The following ADGRA3 variants were observed in gnomAD, a reference collection of about 807,000 sequenced individuals.
The protein encoded by ADGRA3 is adhesion G protein-coupled receptor A3.
A neutral mutation model predicts 119.8 loss-of-function variants in ADGRA3; 56 were observed. The ratio of observed to expected loss-of-function variants is 0.47; its 90% CI spans 0.38 to 0.58. ADGRA3 has a LOEUF of 0.58. Ranked by LOEUF, ADGRA3 falls within the 20% of genes least tolerant of loss-of-function variation. The pLI is 0.00. For missense variants in ADGRA3, 1,516 were observed against 1,649.0 expected, an observed-to-expected ratio of 0.92 and a Z score of 1.40; for synonymous variants, 607 against 623.8, an observed-to-expected ratio of 0.97 and a Z score of 0.40.
intron 1 of ADGRA3, among the ~76,000 whole-genome samples, chr4:22,490,723 A>C (rs781534057): frequency 1.3e-5 from 2 of 152,226 alleles, no homozygotes; most frequent in Non-Finnish European, 2.9e-5. Flanking sequence ...TAAAAAGAAA[A>C]ACAAACAATA....
At position 22,425,050 on chromosome 4, in the gene ADGRA3, G is replaced by A. The variant is rs376759613; in HGVS notation, c.1444-698C>T. ...AGATCGTGCCACTGCACTCTAGCCTGGACAACAGAGTGAGACACTCTTAAA... is the reference window on the plus strand; with the variant it reads ...AGATCGTGCCACTGCACTCTAGCCTAGACAACAGAGTGAGACACTCTTAAA... On this transcript the variant is annotated intron_variant, in intron 10 of 18. Coordinates refer to ENST00000334304, the MANE Select transcript of ADGRA3 (RefSeq NM_145290.4). Among the ~76,000 whole-genome samples the A allele has an allele frequency of 3.3e-5, 5 of 151,146 alleles. No individual in the cohort carries two copies. In the East Asian group the frequency reaches 9.8e-4, roughly 30 times the overall value.
intron 2 of ADGRA3, among the ~76,000 whole-genome samples, chr4:22,464,564 A>T (rs774885446): frequency 1.3e-5 from 2 of 152,206 alleles, no homozygotes; most frequent in Non-Finnish European, 2.9e-5. Context: ...TGGCCCCAGC[A>T]TCCCTTATCT....
chr4:22,465,805 A>T (rs1196523708), intron 2 of ADGRA3, among the ~76,000 whole-genome samples: 1 of 152,206 alleles, frequency 6.6e-6, no homozygotes, highest in Non-Finnish European at 1.5e-5. Flanking sequence ...TATAGCTAAA[A>T]TAATAGGAAA....
intron 2 of ADGRA3, among the ~76,000 whole-genome samples, chr4:22,466,464 C>T (rs1717662414): frequency 2.6e-5 from 4 of 152,182 alleles, no homozygotes; most frequent in African/African-American, 7.2e-5. Context: ...CATTGGCTCA[C>T]GCCTATAATC....
chr4:22,421,254 A>G (rs576501638), intron 11 of ADGRA3, among the ~76,000 whole-genome samples, 165 bp from the exon 12 acceptor site: 5 of 152,088 alleles, frequency 3.3e-5, no homozygotes, highest in African/African-American at 1.2e-4. Flanking sequence ...TAAAAAAAAA[A>G]AAAGAAAGAC....
intron 14 of ADGRA3, among the ~76,000 whole-genome samples, chr4:22,407,233 T>C (rs566031799): frequency 6.6e-6 from 1 of 152,198 alleles, no homozygotes; most frequent in African/African-American, 2.4e-5. Context: ...ATCAAGCCAC[T>C]GCCCTCCAGC....
At position 22,413,404 on chromosome 4, in the gene ADGRA3, G is replaced by A; in HGVS notation, c.2024-14C>T. ...CATTCACACCATCTGGAGAAAATGGGAAATAAAAATATTTCTGAAACAAAC... is the reference window on the plus strand; with the variant it reads ...CATTCACACCATCTGGAGAAAATGGAAAATAAAAATATTTCTGAAACAAAC... On this transcript the variant is annotated splice_polypyrimidine_tract_variant and intron_variant, in intron 13 of 18. Coordinates refer to ENST00000334304, the MANE Select transcript of ADGRA3 (RefSeq NM_145290.4). 6.2e-7 allele frequency: 1 copy of A among 1,604,350 alleles called. No individual in the cohort carries two copies. The highest frequency in any genetic ancestry group is 1.1e-5 in the South Asian group (1 of 90,872).
At chr4:22,444,064 A>G (rs1353805669) in intron 6 of ADGRA3, among the ~76,000 whole-genome samples, 1 of 152,158 alleles carries the variant, frequency 6.6e-6, no homozygotes, top group Non-Finnish European at 1.5e-5. Flanking sequence ...TTCATTTAAC[A>G]CGTGGCAAAT....
chr4:22,424,768 T>C (rs1313744139), intron 10 of ADGRA3, among the ~76,000 whole-genome samples: 1 of 152,210 alleles, frequency 6.6e-6, no homozygotes, highest in African/African-American at 2.4e-5. Context: ...CAAACTATTA[T>C]TATTAAGAAA....
intron 1 of ADGRA3, among the ~76,000 whole-genome samples, chr4:22,502,835 C>T (rs766196246): frequency 3.4e-5 from 5 of 147,846 alleles, no homozygotes; most frequent in African/African-American, 5.0e-5. Context: ...CAAGTTTATC[C>T]ATGACAGATT....
chr4:22,404,250 A>G (rs1055813976), intron 14 of ADGRA3, among the ~76,000 whole-genome samples: 1 of 150,102 alleles, frequency 6.7e-6, no homozygotes, highest in Non-Finnish European at 1.5e-5. Flanking sequence ...AGCTAGATTA[A>G]AAAAAAGAAA....
chr4:22,411,961 A>AC (rs1263858828), intron 14 of ADGRA3, among the ~76,000 whole-genome samples: 1 of 151,970 alleles, frequency 6.6e-6, no homozygotes, highest in Non-Finnish European at 1.5e-5. Context: ...AACAACAACA[A>AC]AAAAAAACAT....
intron 1 of ADGRA3, among the ~76,000 whole-genome samples, chr4:22,474,673 G>GTTAA (rs1463854875): frequency 1.3e-5 from 2 of 152,148 alleles, no homozygotes; most frequent in African/African-American, 4.8e-5. Flanking sequence ...GCACAAAAGA[G>GTTAA]TTAAGTAAAG....
rs199967064 is a variant in ADGRA3 at position 22,473,819 on chromosome 4, G to A, written c.282C>T (p.Ser94=). 38 of 1,604,694 alleles carry A rather than the reference G, an allele frequency of 2.4e-5. No individual in the cohort carries two copies. The highest frequency in any genetic ancestry group is 3.4e-5 in the Admixed American group (2 of 59,468). ...VTLILSNNKI[S]ELKNGSFSGL... Reference sequence around the variant, plus strand: ...CAGAAAATGAGCCATTCTTCAGCTCGGATATCTTATTGTTACTCAGAATCC... The same window carrying A: ...CAGAAAATGAGCCATTCTTCAGCTCAGATATCTTATTGTTACTCAGAATCC... The change falls in exon 2 of 19, where the codon TCC becomes TCT. Residue 94 remains serine (S), a synonymous_variant. Transcript: ENST00000334304.
rs2109077306 is a variant in ADGRA3, at chr4:22,445,040, C to T, written c.639G>A (p.Arg213=). Residue 213 remains arginine, a synonymous_variant, in exon 6 of 19, where the codon AGG becomes AGA. Coordinates refer to ENST00000334304, the MANE Select transcript of ADGRA3 (RefSeq NM_145290.4). ...CCTGCAGTGACTTAGGATAAACACA[C>T]CTGGTATCCCGTACCGTGATGTTCT... ...KEKNITVRDT[R]CVYPKSLQAQ... The T allele has an allele frequency of 5.6e-6, 9 of 1,613,948 alleles. No individual in the cohort carries two copies. Among genetic ancestry groups the T allele is most frequent in the Non-Finnish European group, 6.8e-6 (8 of 1,179,930 alleles).
chr4:22,509,903 G>A (rs1484694741), intron 1 of ADGRA3, among the ~76,000 whole-genome samples: 3 of 151,436 alleles, frequency 2.0e-5, no homozygotes, highest in African/African-American at 7.3e-5. Context: ...CCAGCTACTC[G>A]GGAGGCTGAG....
chr4:22,454,669 C>T (rs1717179001), intron 4 of ADGRA3, among the ~76,000 whole-genome samples, 197 bp downstream of exon 4: 1 of 151,952 alleles, frequency 6.6e-6, no homozygotes, highest in Admixed American at 6.6e-5. Flanking sequence ...CACATGTGTC[C>T]GTGTGTGGTG....
chr4:22,475,657 G>T (rs1718015313), intron 1 of ADGRA3, among the ~76,000 whole-genome samples: 1 of 152,016 alleles, frequency 6.6e-6, no homozygotes, highest in Admixed American at 6.6e-5. Context: ...AACCCAGGGG[G>T]TGGAGCTTGC....
chr4:22,398,232 A>G, intron 16 of ADGRA3: 1 of 641,874 alleles, frequency 1.6e-6, no homozygotes, highest in Non-Finnish European at 1.9e-6. Context: ...AACAGTTAGT[A>G]TATGCCTGGT....
Sources: gnomAD v4.1 joint callset for allele counts (sites outside exome capture counted in the v4.1 genomes callset) on GRCh38, gnomAD v4.1.1 for gene constraint, MANE v1.5 for transcripts, NCBI Gene and HGNC (gene_info 2026-07-23, HGNC 2026-07-21) for gene names.